Variants in TRIM9 observed in about 807,000 individuals in gnomAD.
TRIM9 encodes the protein tripartite motif containing 9, also known as E3 ubiquitin-protein ligase TRIM9.
In TRIM9, 26 loss-of-function variants were observed where a neutral mutation model predicts 78.3. The observed-to-expected ratio is 0.33, with a 90% CI of 0.24 to 0.46. The LOEUF (loss-of-function observed/expected upper bound fraction) is 0.46. TRIM9 is among the 20% of genes least tolerant of loss of function. The pLI is 1.00. For missense variants in TRIM9, 787 were observed against 1,036.4 expected (o/e 0.76, Z 3.30); for synonymous variants, 398 against 416.5 (o/e 0.96, Z 0.54).
chr14:51,043,585 CAG>C (rs1314511401), intron 1 of TRIM9, among the ~76,000 whole-genome samples: 1 of 152,172 alleles, frequency 6.6e-6, no homozygotes, highest in Non-Finnish European at 1.5e-5. Context: ...AGTGATGTCA[CAG>C]AAGTTTATAT....
At chr14:50,983,144 G>C (rs140111719) in intron 9 of TRIM9, among the ~76,000 whole-genome samples, 179 bp from the exon 10 acceptor site, 3 of 152,214 alleles carry the variant, frequency 2.0e-5, no homozygotes, top group Non-Finnish European at 4.4e-5. Context: ...TGCTCATAAA[G>C]AGTGCTTTGC....
chr14:51,089,673 T>C (rs1350120011), intron 1 of TRIM9, among the ~76,000 whole-genome samples: 1 of 152,248 alleles, frequency 6.6e-6, no homozygotes, highest in Admixed American at 6.5e-5. Context: ...TAAATCTTTG[T>C]ATAGTATTCT....
rs768445636 is a variant in TRIM9 at position 50,998,085 on chromosome 14, G to C, written c.1568C>G (p.Pro523Arg). 9 of 1,614,174 alleles carry C rather than the reference G, an allele frequency of 5.6e-6. No individual in the cohort carries two copies. Among genetic ancestry groups the C allele is most frequent in the South Asian group, 1.1e-5 (1 of 91,076 alleles). Residue 523 changes from proline (P) to arginine (R), a missense_variant, in exon 7 of 13, where the codon CCG (proline) becomes CGG (arginine). Transcript: ENST00000684578. Reference sequence around the variant, plus strand: ...TTGGAGGACCAGGGTCTTGCTGTACGGGCTGACTCCTGTTTTGTTGAAGGC... The same window carrying C: ...TTGGAGGACCAGGGTCTTGCTGTACCGGCTGACTCCTGTTTTGTTGAAGGC... Reference protein sequence around the residue: ...VKAFNKTGVSPYSKTLVLQTS... With the variant: ...VKAFNKTGVSRYSKTLVLQTS...
chr14:51,086,760 G>A (rs1001447578), intron 1 of TRIM9, among the ~76,000 whole-genome samples: 1 of 152,160 alleles, frequency 6.6e-6, no homozygotes. Context: ...AAACTGTGAA[G>A]AGGAAGGGGA....
intron 1 of TRIM9, among the ~76,000 whole-genome samples, chr14:51,086,536 AC>A (rs1413730548): frequency 6.6e-6 from 1 of 152,236 alleles, no homozygotes; most frequent in African/African-American, 2.4e-5. Context: ...CATTGAACCA[AC>A]CTTTATCTAA....
intron 7 of TRIM9, among the ~76,000 whole-genome samples, chr14:50,987,092 C>G (rs887534294): frequency 6.6e-6 from 1 of 152,140 alleles, no homozygotes; most frequent in Non-Finnish European, 1.5e-5. Flanking sequence ...AACATTCAGT[C>G]TAATAGCAAT....
chr14:51,050,403 GCCACCATGTAAGACATGCCTTTCGCCTT>G (rs1267068651), intron 1 of TRIM9, among the ~76,000 whole-genome samples: 1 of 152,136 alleles, frequency 6.6e-6, no homozygotes, highest in South Asian at 2.1e-4. Flanking sequence ...CTCTTTGCCT[GCCACCATGTAAGACATGCCTTTCGCCTT>G]CCACCATGAT....
intron 3 of TRIM9, among the ~76,000 whole-genome samples, chr14:51,019,231 G>A (rs2139733283): frequency 6.6e-6 from 1 of 152,292 alleles, no homozygotes; most frequent in East Asian, 1.9e-4. Flanking sequence ...CTCACTGTTG[G>A]AATACTGCCC....
Position 50,985,966 on chromosome 14 carries a change from G to A in TRIM9, c.1782C>T (p.Leu594=), listed in dbSNP as rs1222267298. The part of the protein sequence containing the change: ...QLSLHSSLQS[L]NAPGCNFETQ... ...AGGAGCTCAGCTCACCCGGTGCATT[G>A]AGAGACTGTAAAGAGGAATGCAAGC... Residue 594 remains leucine (L), a synonymous_variant, in exon 8 of 13, where the codon CTC becomes CTT. Transcript: ENST00000684578. 6.5e-7 allele frequency: 1 copy of A among 1,539,204 alleles called. No homozygotes were observed. The highest frequency in any genetic ancestry group is 2.0e-5 in the Admixed American group (1 of 49,970).
At chr14:51,011,895 G>A (rs1408681939) in intron 3 of TRIM9, among the ~76,000 whole-genome samples, 2 of 152,168 alleles carry the variant, frequency 1.3e-5, no homozygotes, top group African/African-American at 2.4e-5. Context: ...ATCACAGGCA[G>A]TTTTCATGTT....
chr14:51,060,611 C>T (rs759683617), intron 1 of TRIM9, among the ~76,000 whole-genome samples: 9 of 152,136 alleles, frequency 5.9e-5, no homozygotes, highest in African/African-American at 1.7e-4. Context: ...GAACTACAGG[C>T]GCCTGCCACC....
intron 5 of TRIM9, 74 bp downstream of exon 5, chr14:51,009,006 G>C: frequency 6.8e-7 from 1 of 1,465,836 alleles, no homozygotes; most frequent in Non-Finnish European, 9.4e-7. Flanking sequence ...TAGCCAAAGG[G>C]GTACTGATCC....
chr14:50,996,212 T>C (rs2054188726), intron 7 of TRIM9: 5 of 985,364 alleles, frequency 5.1e-6, no homozygotes, highest in Non-Finnish European at 4.8e-6. Flanking sequence ...ATAAAATTCA[T>C]GGAGGAAATT....
rs770265804 is a variant in TRIM9 at position 51,094,633 on chromosome 14, G to A, written c.307C>T (p.Pro103Ser). The A allele has an allele frequency of 1.2e-6, 2 of 1,606,890 alleles. No homozygotes were observed. The highest frequency in any genetic ancestry group is 1.7e-6 in the Non-Finnish European group (2 of 1,175,664). Residue 103 changes from proline (P) to serine (S), a missense_variant, in exon 1 of 13, where the codon CCC becomes TCC. Transcript: ENST00000684578. Reference sequence around the variant, plus strand: ...GTGGCCGGTGGCGGCATAGCCGGGGGAAACACGCGGACGCCGTTGGGGGAC... The same window carrying A: ...GTGGCCGGTGGCGGCATAGCCGGGGAAAACACGCGGACGCCGTTGGGGGAC... Reference protein sequence around the residue: ...QKSPNGVRVFPPAMPPPATHL... With the variant: ...QKSPNGVRVFSPAMPPPATHL...
intron 1 of TRIM9, among the ~76,000 whole-genome samples, chr14:51,084,141 A>T (rs12436728): frequency 0.35 from 53,560 of 151,998 alleles, 9,779 homozygotes; most frequent in Admixed American, 0.42. Flanking sequence ...TCTAAATGTC[A>T]AGAGCTTACT....
chr14:51,089,927 T>G (rs1418867283), intron 1 of TRIM9: 1 of 152,248 alleles, frequency 6.6e-6, no homozygotes, highest in Admixed American at 6.5e-5. Context: ...TATAAACATT[T>G]AATTTACCTT....
chr14:50,979,348 C>T, intron 12 of TRIM9, 39 bp downstream of exon 12: 2 of 1,614,182 alleles, frequency 1.2e-6, no homozygotes, highest in Non-Finnish European at 1.7e-6. Flanking sequence ...GAACCGGTAG[C>T]CAGCAACAGC....
Position 50,979,140 on chromosome 14 carries a change from T to C in TRIM9, c.2325+247A>G, listed in dbSNP as rs201628563. On this transcript the variant is annotated intron_variant, in intron 12 of 12. Transcript: ENST00000684578. ...TACAGAGATGATCATTAGCCAACCA[T>C]GAAGAGAATTCTAGTTTCCTATGTG... 1.6e-4 allele frequency: 230 copies of C among 1,407,008 alleles called. No homozygotes were observed. The East Asian group carries it at 4.3e-3, about 27-fold the overall frequency. 87.2% of individuals were successfully genotyped at this position (1,407,008 alleles called of 1,614,324 possible). A position where few individuals can be genotyped will look rare whatever the true frequency, so the allele number is the denominator to read the frequency against.
At position 51,078,826 on chromosome 14, in the gene TRIM9, A is replaced by C. The variant is rs112242826; in HGVS notation, c.822+15292T>G. On this transcript the variant is annotated intron_variant, in intron 1 of 12. Coordinates refer to ENST00000684578, the MANE Select transcript of TRIM9 (RefSeq NM_001387360.1). The stretch of plus-strand genomic sequence containing the variant: ...AAACAGGCCTGGAGATCGAATGTAT[A>C]ACATGAGGACTGTAGTTAATAATAT... Among the ~76,000 whole-genome samples the C allele has an allele frequency of 9.3e-4, 142 of 152,332 alleles. 1 individual carries two copies. Among genetic ancestry groups the C allele is most frequent in the African/African-American group, 3.2e-3 (133 of 41,578 alleles).
Sources: gnomAD v4.1 joint callset for allele counts (sites outside exome capture counted in the v4.1 genomes callset) on GRCh38, gnomAD v4.1.1 for gene constraint, MANE v1.5 for transcripts, NCBI Gene and HGNC (gene_info 2026-07-23, HGNC 2026-07-21) for gene names.